The following NAV2 variants were observed in gnomAD, a reference collection of about 807,000 sequenced individuals.
NAV2 encodes neuron navigator 2, also known as helicase, APC down-regulated 1.
Under a neutral mutation model 223.2 loss-of-function variants are expected in NAV2, and 54 were observed. The ratio of observed to expected loss-of-function variants is 0.24; its 90% CI spans 0.19 to 0.30. The LOEUF (loss-of-function observed/expected upper bound fraction) is 0.30, where lower values mean the gene tolerates loss of function less well. NAV2 is among the 10% of genes least tolerant of loss of function. NAV2 has a pLI of 1.00. For synonymous variants in NAV2, 1,279 were observed against 1,239.3 expected (o/e 1.03, Z -0.67); for missense variants, 2,806 against 3,147.5 (o/e 0.89, Z 2.60).
intron 3 of NAV2, among the ~76,000 whole-genome samples, chr11:19,864,461 G>A (rs1020146776): frequency 5.3e-5 from 8 of 152,152 alleles, no homozygotes; most frequent in South Asian, 2.1e-4. Flanking sequence ...CATATTTTAC[G>A]TTATCAGGAG....
intron 1 of NAV2, among the ~76,000 whole-genome samples, chr11:19,606,249 A>T (rs1336650936): frequency 6.6e-6 from 1 of 152,210 alleles, no homozygotes; most frequent in Non-Finnish European, 1.5e-5. Flanking sequence ...TTCAAAGTGT[A>T]TTGGATATTG....
At chr11:20,076,562 G>GA (rs1158811590) in intron 22 of NAV2, among the ~76,000 whole-genome samples, 1 of 152,176 alleles carries the variant, frequency 6.6e-6, no homozygotes, top group Non-Finnish European at 1.5e-5. Context: ...ATGACTGTTT[G>GA]AAACAGCTCC....
At chr11:19,709,398 T>C (rs1011336849), upstream of NAV2, among the ~76,000 whole-genome samples, 3 of 151,106 alleles carry the variant, frequency 2.0e-5, no homozygotes, top group East Asian at 2.0e-4. Context: ...AAAAATTAGC[T>C]GGGCATGGTG....
At chr11:19,421,764 CTTTTTTTTTTT>C (rs373669949) in intron 1 of NAV2, among the ~76,000 whole-genome samples, 5 of 84,546 alleles carry the variant, frequency 5.9e-5, no homozygotes, top group East Asian at 8.5e-4. Flanking sequence ...AAGAGAGAGG[CTTTTTTTTTTT>C]TTTTTTTTTT....
At chr11:19,370,776 T>C (rs1402741721) in intron 1 of NAV2, among the ~76,000 whole-genome samples, 1 of 152,178 alleles carries the variant, frequency 6.6e-6, no homozygotes, top group Non-Finnish European at 1.5e-5. Context: ...TGCAGTTGCT[T>C]TGAGGGCCAG....
At chr11:19,764,260 T>G (rs2055021608) in intron 1 of NAV2, among the ~76,000 whole-genome samples, 1 of 152,242 alleles carries the variant, frequency 6.6e-6, no homozygotes, top group Non-Finnish European at 1.5e-5. Flanking sequence ...GCATGCATTT[T>G]ATAATTAAGT....
rs140315163 is a variant in NAV2 at position 19,381,492 on chromosome 11, C to T, written c.75+30465C>T. Among the ~76,000 whole-genome samples, 13 of 152,244 alleles carry T rather than the reference C, an allele frequency of 8.5e-5. No homozygotes were observed. In the East Asian group the frequency reaches 1.9e-3, roughly 23 times the overall value. ...TGCCTGTGTTCTATCTGCAAGCATG[C>T]GGAGTAGTTTATGAAACATACGGAG... is the stretch of plus-strand genomic sequence containing the variant. On this transcript the variant is annotated intron_variant, in intron 1 of 37. Transcript: ENST00000360655.
chr11:19,370,477 A>C (rs543844861), intron 1 of NAV2, among the ~76,000 whole-genome samples: 1 of 152,366 alleles, frequency 6.6e-6, no homozygotes, highest in South Asian at 2.1e-4. Context: ...TCTGAGCATC[A>C]AAGACCTCAG....
rs554055018 is a variant in NAV2, at chr11:20,120,237, A to G, written c.*1979A>G. On this transcript the variant is annotated 3_prime_UTR_variant, in exon 38 of 38. Transcript: ENST00000349880. ...CCATGTTCTTCCTCTTTGAAAAGAA[A>G]AGGGGAATGTGTCCCACTAGTGAAA... The G allele has an allele frequency of 6.6e-6, 1 of 152,336 alleles. No individual in the cohort carries two copies. The highest frequency in any genetic ancestry group is 1.9e-4 in the East Asian group (1 of 5,188). The allele number at this position is 152,336 out of a possible 1,614,324, so 9.4% of individuals were successfully genotyped here.
At chr11:19,810,638 C>T (rs1234574646) in intron 1 of NAV2, among the ~76,000 whole-genome samples, 2 of 152,176 alleles carry the variant, frequency 1.3e-5, no homozygotes, top group Non-Finnish European at 2.9e-5. Context: ...CAATTCTAAT[C>T]CATTACCACA....
At chr11:19,890,908 AC>A (rs1267316412) in intron 5 of NAV2, among the ~76,000 whole-genome samples, 1 of 152,224 alleles carries the variant, frequency 6.6e-6, no homozygotes, top group Non-Finnish European at 1.5e-5. Context: ...AGGTAAATTA[AC>A]CAAGGTACAA....
chr11:19,695,260 T>G (rs1236778069), intron 1 of NAV2, among the ~76,000 whole-genome samples: 1 of 152,180 alleles, frequency 6.6e-6, no homozygotes, highest in African/African-American at 2.4e-5. Context: ...GATACAGACT[T>G]TGGAGTCTGC....
intron 17 of NAV2, 137 bp from the exon 18 acceptor site, chr11:20,053,943 A>G: frequency 1.1e-6 from 1 of 890,064 alleles, no homozygotes; most frequent in Non-Finnish European, 1.7e-6. Context: ...AAGTTTCAGG[A>G]CGTGTAGTGA....
intron 1 of NAV2, among the ~76,000 whole-genome samples, chr11:19,476,544 A>G (rs1225500861): frequency 6.6e-6 from 1 of 151,972 alleles, no homozygotes; most frequent in Non-Finnish European, 1.5e-5. Context: ...CACTACCCTC[A>G]CATGTAAAAA....
At chr11:20,079,779 C>G (rs1349976421) in intron 24 of NAV2, among the ~76,000 whole-genome samples, 2 of 152,106 alleles carry the variant, frequency 1.3e-5, no homozygotes, top group African/African-American at 4.8e-5. Context: ...CATTTCCACA[C>G]CTATCTAAAG....
At chr11:19,869,482 G>A (rs1230954787) in intron 4 of NAV2, among the ~76,000 whole-genome samples, 1 of 152,184 alleles carries the variant, frequency 6.6e-6, no homozygotes, top group Non-Finnish European at 1.5e-5. Flanking sequence ...TTTTTACATT[G>A]TGATTAGTTT....
chr11:20,015,757 A>G (rs1469834984), intron 11 of NAV2, among the ~76,000 whole-genome samples: 2 of 152,212 alleles, frequency 1.3e-5, no homozygotes, highest in Non-Finnish European at 1.5e-5. Flanking sequence ...CACTGCAAAT[A>G]TAGGAGGAGC....
chr11:20,040,554 C>T (rs10833226), intron 12 of NAV2, among the ~76,000 whole-genome samples: 55,751 of 152,014 alleles, frequency 0.37, 10,870 homozygotes, highest in Non-Finnish European at 0.44. Context: ...GACCCAAAGC[C>T]CACACTCTTC....
intron 1 of NAV2, among the ~76,000 whole-genome samples, chr11:19,574,190 C>A (rs1384431730): frequency 6.6e-6 from 1 of 152,174 alleles, no homozygotes; most frequent in Non-Finnish European, 1.5e-5. Flanking sequence ...CCACTGCTTA[C>A]AAAATGGGAG....
Sources: gnomAD v4.1 joint callset for allele counts (sites outside exome capture counted in the v4.1 genomes callset) on GRCh38, gnomAD v4.1.1 for gene constraint, MANE v1.5 for transcripts, NCBI Gene and HGNC (gene_info 2026-07-23, HGNC 2026-07-21) for gene names.